Variants in B3GALT1 observed in about 807,000 individuals in gnomAD.
B3GALT1 encodes beta-1,3-galactosyltransferase 1.
A neutral mutation model predicts 23.2 loss-of-function variants in B3GALT1; 10 were observed. The observed-to-expected ratio is 0.43, with a 90% CI of 0.27 to 0.73. The LOEUF (loss-of-function observed/expected upper bound fraction) is 0.73, where lower values mean the gene tolerates loss of function less well. Among genes scored for constraint, B3GALT1 ranks in the 30% least tolerant of loss-of-function variants. The pLI, the probability that B3GALT1 is intolerant of heterozygous loss-of-function variation, is 0.21. For synonymous variants in B3GALT1, 156 were observed against 141.5 expected, an observed-to-expected ratio of 1.10 and a Z score of -0.73; for missense variants, 299 against 405.4, an observed-to-expected ratio of 0.74 and a Z score of 2.25.
intron 4 of B3GALT1, among the ~76,000 whole-genome samples, chr2:167,846,963 A>G (rs1194500964): frequency 2.0e-5 from 3 of 152,232 alleles, no homozygotes; most frequent in Admixed American, 1.3e-4. Flanking sequence ...CTATTCTTAT[A>G]TCAGACAAAA....
At chr2:167,639,789 A>G (rs1013406003) in intron 2 of B3GALT1, among the ~76,000 whole-genome samples, 3 of 152,014 alleles carry the variant, frequency 2.0e-5, no homozygotes, top group Non-Finnish European at 4.4e-5. Context: ...GCCATTGTTG[A>G]TCAAAAGAAA....
At chr2:167,648,520 A>G (rs181266343) in intron 3 of B3GALT1, among the ~76,000 whole-genome samples, 293 of 152,250 alleles carry the variant, frequency 1.9e-3, no homozygotes, top group Non-Finnish European at 2.2e-3. Context: ...AATTTGCCAT[A>G]TGAAATATTC....
chr2:167,452,643 A>G (rs553933580), intron 1 of B3GALT1, among the ~76,000 whole-genome samples: 14 of 152,334 alleles, frequency 9.2e-5, no homozygotes, highest in Admixed American at 7.2e-4. Context: ...ACTTGGAGCA[A>G]AAGTACACGA....
Position 167,646,950 on chromosome 2 carries a change from A to G in B3GALT1, c.-368A>G, listed in dbSNP as rs75814609. ...CTGGGTCCTCAGAAGTGTTCTGGAG[A>G]TCGCCTCTTTGAAAGCGTAAGTGTA... On this transcript the variant is annotated 5_prime_UTR_variant, in exon 3 of 5. Transcript: ENST00000392690. Among the ~76,000 whole-genome samples, 6,325 of 152,138 alleles carry G rather than the reference A, an allele frequency of 0.042. 447 individuals carry two copies. The highest frequency in any genetic ancestry group is 0.14 in the African/African-American group (6,000 of 41,454).
chr2:167,459,450 G>T (rs1410116637), intron 1 of B3GALT1, among the ~76,000 whole-genome samples: 2 of 152,058 alleles, frequency 1.3e-5, no homozygotes, highest in African/African-American at 4.8e-5. Flanking sequence ...TTACATCTTT[G>T]CATGTTTCCT....
chr2:167,649,417 C>T (rs1382566932), intron 3 of B3GALT1, among the ~76,000 whole-genome samples: 1 of 152,010 alleles, frequency 6.6e-6, no homozygotes, highest in Non-Finnish European at 1.5e-5. Flanking sequence ...ATATTTTTGT[C>T]ACCCCCAAAG....
chr2:167,411,378 C>CAAAAAAAAAAAAA (rs60719828), intron 1 of B3GALT1, among the ~76,000 whole-genome samples: 1 of 136,552 alleles, frequency 7.3e-6, no homozygotes, highest in African/African-American at 2.8e-5. Flanking sequence ...AACAAAAAAC[C>CAAAAAAAAAAAAA]AAAAAAAAAA....
chr2:167,851,456 G>A (rs1400524832), intron 4 of B3GALT1, among the ~76,000 whole-genome samples: 1 of 152,186 alleles, frequency 6.6e-6, no homozygotes, highest in East Asian at 1.9e-4. Context: ...TCAAGAAGCT[G>A]TGAGTAAAAA....
chr2:167,601,111 G>A (rs187409612), intron 2 of B3GALT1, among the ~76,000 whole-genome samples: 1 of 152,178 alleles, frequency 6.6e-6, no homozygotes. Flanking sequence ...CCAGACTGGA[G>A]TGCAGTGGTG....
At chr2:167,487,890 C>T (rs748460485) in intron 1 of B3GALT1, among the ~76,000 whole-genome samples, 2 of 152,116 alleles carry the variant, frequency 1.3e-5, no homozygotes, top group Non-Finnish European at 2.9e-5. Context: ...GCCTGCAAAT[C>T]CCCCATTGGC....
At chr2:167,494,130 T>C (rs1574103009) in intron 2 of B3GALT1, among the ~76,000 whole-genome samples, 1 of 152,028 alleles carries the variant, frequency 6.6e-6, no homozygotes, top group African/African-American at 2.4e-5. Context: ...GTCCTAAGAG[T>C]CTGAAAATTA....
chr2:167,328,927 C>T (rs146644556), intron 1 of B3GALT1, among the ~76,000 whole-genome samples: 75 of 152,256 alleles, frequency 4.9e-4, no homozygotes, highest in African/African-American at 1.8e-3. Context: ...ATTCTCTTGC[C>T]TCAGCAACCC....
At chr2:167,750,329 G>A (rs192596023) in intron 3 of B3GALT1, among the ~76,000 whole-genome samples, 17 of 152,250 alleles carry the variant, frequency 1.1e-4, no homozygotes, top group Admixed American at 5.9e-4. Flanking sequence ...TAAATAGACC[G>A]TAAGGAAAAC....
chr2:167,567,015 A>G (rs998033009), intron 2 of B3GALT1, among the ~76,000 whole-genome samples: 1 of 152,226 alleles, frequency 6.6e-6, no homozygotes, highest in Non-Finnish European at 1.5e-5. Context: ...AGCACAGAGA[A>G]TTACATTTTT....
At chr2:167,727,695 C>T (rs1031801545) in intron 3 of B3GALT1, among the ~76,000 whole-genome samples, 28 of 152,268 alleles carry the variant, frequency 1.8e-4, no homozygotes, top group East Asian at 5.8e-4. Context: ...TTCCATCCTA[C>T]GGCAGAATTC....
chr2:167,641,406 C>T lies in B3GALT1; in HGVS notation c.-409-5503C>T, dbSNP rs573361466. 6.6e-5 allele frequency among the ~76,000 whole-genome samples: 10 copies of T among 152,210 alleles called. No homozygotes were observed. In the South Asian group the frequency reaches 2.1e-3, roughly 32 times the overall value. ...AAATCCAGTAGTCAGACTTCATGAC[C>T]AGGGGCAAGTTATTAATATTTCCTG... is the stretch of plus-strand genomic sequence containing the variant. On this transcript the variant is annotated intron_variant, in intron 2 of 4. Coordinates refer to ENST00000392690, the MANE Select transcript of B3GALT1 (RefSeq NM_020981.4).
chr2:167,755,605 T>C (rs1199245713), intron 3 of B3GALT1, among the ~76,000 whole-genome samples: 3 of 151,716 alleles, frequency 2.0e-5, no homozygotes, highest in Admixed American at 2.0e-4. Flanking sequence ...AAGAGAAATG[T>C]GGACAAATTT....
At chr2:167,780,672 C>A (rs745942389) in intron 3 of B3GALT1, among the ~76,000 whole-genome samples, 8 of 152,164 alleles carry the variant, frequency 5.3e-5, no homozygotes, top group Non-Finnish European at 8.8e-5. Flanking sequence ...CTGACACCAC[C>A]AAAATGCTAC....
chr2:167,769,179 C>T (rs1688029226), intron 3 of B3GALT1, among the ~76,000 whole-genome samples: 1 of 152,178 alleles, frequency 6.6e-6, no homozygotes, highest in Non-Finnish European at 1.5e-5. Context: ...GGGCCAGCCT[C>T]AGCTGTGGCA....
Sources: gnomAD v4.1 joint callset for allele counts (sites outside exome capture counted in the v4.1 genomes callset) on GRCh38, gnomAD v4.1.1 for gene constraint, MANE v1.5 for transcripts, NCBI Gene and HGNC (gene_info 2026-07-23, HGNC 2026-07-21) for gene names.